Variants in NPHS1 observed in about 807,000 individuals in gnomAD.
NPHS1 encodes NPHS1 adhesion molecule, nephrin, also known as nephrin.
In NPHS1, 107 loss-of-function variants were observed where a neutral mutation model predicts 139.7. The ratio of observed to expected loss-of-function variants is 0.77; its 90% CI spans 0.66 to 0.90. The LOEUF (loss-of-function observed/expected upper bound fraction) is 0.90. NPHS1 is among the 40% of genes least tolerant of loss of function. The pLI is 0.00. For missense variants in NPHS1, 1,580 were observed against 1,654.2 expected (o/e 0.96, Z 0.78); for synonymous variants, 707 against 706.6 (o/e 1.00, Z -0.01).
In NPHS1 at chr19:35,844,375, GCGGACA is replaced by G. The variant is rs779633492; in HGVS notation, c.2009_2014del (p.Val670_Ser671del). On this transcript the variant is annotated inframe_deletion, in exon 15 of 29. Transcript: ENST00000378910. ...GTTGAAGGCCTCGGGGGCGGGGTTA[GCGGACA>G]CGGACACGGGCAGCAACGCCTCGCC... The G allele has an allele frequency of 6.2e-7, 1 of 1,613,360 alleles. No homozygotes were observed. Among genetic ancestry groups the G allele is most frequent in the Non-Finnish European group, 8.5e-7 (1 of 1,179,802 alleles).
Position 35,830,963 on chromosome 19 carries a change from T to G in NPHS1, c.3482-7A>C, listed in dbSNP as rs73928326. 1.9e-6 allele frequency: 3 copies of G among 1,609,922 alleles called. No individual in the cohort carries two copies. The African/African-American group carries it at 4.0e-5, about 22-fold the overall frequency. On this transcript the variant is annotated splice_region_variant and splice_polypyrimidine_tract_variant and intron_variant, in intron 27 of 28. Coordinates refer to ENST00000378910, the MANE Select transcript of NPHS1 (RefSeq NM_004646.4). ...TCATCTTCACCTGTGAAACCTGGAG[T>G]TGGAGTGGAAGGGAGACACGATCAA...
Position 35,825,808 on chromosome 19 carries a change from T to C in NPHS1, c.*706A>G, listed in dbSNP as rs80296922. ...TAGGATGCAACATGGATTCATAAAT[T>C]CCACTTATTATTAGCTATTTCAGAC... On this transcript the variant is annotated 3_prime_UTR_variant, in exon 29 of 29. Coordinates refer to ENST00000378910, the MANE Select transcript of NPHS1 (RefSeq NM_004646.4). Among the ~76,000 whole-genome samples the C allele has an allele frequency of 0.03, 4,636 of 152,270 alleles. 90 individuals carry two copies. Among genetic ancestry groups the C allele is most frequent in the Non-Finnish European group, 0.043 (2,926 of 68,020 alleles).
At chr19:35,834,828 T>C (rs1972933258) in intron 23 of NPHS1, among the ~76,000 whole-genome samples, 1 of 150,120 alleles carries the variant, frequency 6.7e-6, no homozygotes, top group Admixed American at 6.7e-5. Context: ...GAGATAGCAG[T>C]CAGCCGAGAT....
At position 35,850,466 on chromosome 19, in the gene NPHS1, A is replaced by AGAGG. The variant is rs746765352; in HGVS notation, c.527-25_527-22dup. ...TCCACCTTGGGGCAGCAAGAGGGCT[A>AGAGG]GAGGGGTTCCAGGCTCCCCGCAAGA... On this transcript the variant is annotated intron_variant, in intron 4 of 28. Coordinates refer to ENST00000378910, the MANE Select transcript of NPHS1 (RefSeq NM_004646.4). The AGAGG allele has an allele frequency of 3.1e-6, 5 of 1,608,526 alleles. No individual in the cohort carries two copies. In the African/African-American group the frequency reaches 6.7e-5, roughly 22 times the overall value.
At position 35,851,283 on chromosome 19, in the gene NPHS1, T is replaced by C. The variant is rs773155569; in HGVS notation, c.376A>G (p.Arg126Gly). The change falls in exon 3 of 29, where the codon AGA (arginine) becomes GGA (glycine). Residue 126 changes from arginine (R) to glycine (G), a missense_variant. Coordinates refer to ENST00000378910, the MANE Select transcript of NPHS1 (RefSeq NM_004646.4). Reference protein sequence around the residue: ...SEMGPELVSPRVILSILVPPK... With the variant: ...SEMGPELVSPGVILSILVPPK... ...ATACCCAGGATGGAGAGGATCACTCTGGGAGACACGAGCTCGGGCCCCATC... is the reference window on the plus strand; with the variant it reads ...ATACCCAGGATGGAGAGGATCACTCCGGGAGACACGAGCTCGGGCCCCATC... 3.1e-6 allele frequency: 5 copies of C among 1,613,972 alleles called. No individual in the cohort carries two copies. Among genetic ancestry groups the C allele is most frequent in the Non-Finnish European group, 4.2e-6 (5 of 1,179,924 alleles).
intron 22 of NPHS1, 89 bp downstream of exon 22, chr19:35,839,148 A>G: frequency 3.1e-6 from 4 of 1,281,868 alleles, no homozygotes; most frequent in Non-Finnish European, 4.5e-6. Context: ...TCAGTAACTC[A>G]TCATAAAAGG....
At chr19:35,843,617 G>A (rs1973091597) in intron 16 of NPHS1, 24 bp from the exon 17 acceptor site, 2 of 1,613,250 alleles carry the variant, frequency 1.2e-6, no homozygotes, top group Non-Finnish European at 1.7e-6. Context: ...GAGGCTTGGG[G>A]AAGACACTTG....
intron 16 of NPHS1, 37 bp downstream of exon 16, chr19:35,844,066 T>C (rs1007204803): frequency 1.2e-6 from 2 of 1,601,460 alleles, no homozygotes; most frequent in Non-Finnish European, 8.5e-7. Flanking sequence ...GCAAGGTTCC[T>C]TGGGTGGGTG....
At chr19:35,834,077 AT>A (rs5827941) in intron 23 of NPHS1, among the ~76,000 whole-genome samples, 24,940 of 151,762 alleles carry the variant, frequency 0.16, 4,164 homozygotes, top group African/African-American at 0.43. Flanking sequence ...TCTGAAGGGG[AT>A]TTTTTTGCCA....
intron 20 of NPHS1, among the ~76,000 whole-genome samples, chr19:35,839,928 C>T (rs1351601186): frequency 2.7e-5 from 4 of 150,764 alleles, no homozygotes; most frequent in Non-Finnish European, 5.9e-5. Flanking sequence ...GAAAACAAAA[C>T]CAAAAGAAAC....
In NPHS1 at chr19:35,851,499, G is replaced by A; in HGVS notation, c.232C>T (p.Pro78Ser). ...TCCAGGCGGTACCTCGGGAAGCCTGGGATCCTGGGGTCGGGGCCCAGGAGC... is the reference window on the plus strand; with the variant it reads ...TCCAGGCGGTACCTCGGGAAGCCTGAGATCCTGGGGTCGGGGCCCAGGAGC... Reference protein sequence around the residue: ...GLLLGPDPRIPGFPRYRLEGD... With the variant: ...GLLLGPDPRISGFPRYRLEGD... Residue 78 changes from proline to serine, a missense_variant, in exon 2 of 29, where the codon CCA (proline) becomes TCA (serine). Physicochemically the swap from Pro to Ser is moderately conservative, Grantham distance 74. Transcript: ENST00000378910. The A allele has an allele frequency of 6.2e-7, 1 of 1,613,652 alleles. No individual in the cohort carries two copies. Among genetic ancestry groups the A allele is most frequent in the South Asian group, 1.1e-5 (1 of 91,066 alleles).
At chr19:35,836,509 T>C (rs947217983) in intron 22 of NPHS1, among the ~76,000 whole-genome samples, 1 of 152,234 alleles carries the variant, frequency 6.6e-6, no homozygotes, top group East Asian at 1.9e-4. Flanking sequence ...AAAAAAGACT[T>C]TGGGCTCTCG....
At position 35,851,556 on chromosome 19, in the gene NPHS1, C is replaced by T; in HGVS notation, c.175G>A (p.Gly59Ser). The change falls in exon 2 of 29, where the codon GGC becomes AGC. Residue 59 changes from glycine (G) to serine (S), a missense_variant. By Grantham distance (56) the Gly-to-Ser change is moderately conservative. Coordinates refer to ENST00000378910, the MANE Select transcript of NPHS1 (RefSeq NM_004646.4). ...TCTTTGGCCCATTGCACCGCACTGCCAGGGGTGCTGACCCCACAACGCAGC... is the reference window on the plus strand; with the variant it reads ...TCTTTGGCCCATTGCACCGCACTGCTAGGGGTGCTGACCCCACAACGCAGC... Reference protein sequence around the residue: ...VELRCGVSTPGSAVQWAKDGL... With the variant: ...VELRCGVSTPSSAVQWAKDGL... 1 of 1,614,000 alleles carries T rather than the reference C, an allele frequency of 6.2e-7. No individual in the cohort carries two copies. The highest frequency in any genetic ancestry group is 1.7e-4 in the Middle Eastern group (1 of 6,058).
chr19:35,827,246 GCTGGGATTATAAGTCA>G (rs1972811143), intron 28 of NPHS1, among the ~76,000 whole-genome samples: 1 of 151,924 alleles, frequency 6.6e-6, no homozygotes, highest in Non-Finnish European at 1.5e-5. Context: ...CTCCCAAAGT[GCTGGGATTATAAGTCA>G]CTGGGATTAT....
At position 35,841,881 on chromosome 19, in the gene NPHS1, G is replaced by A; in HGVS notation, c.2664-15C>T. On this transcript the variant is annotated splice_polypyrimidine_tract_variant and intron_variant, in intron 19 of 28. Transcript: ENST00000378910. ...GCTCCGTGTACCTAGAGAGAAGGTA[G>A]GGCACCACTCACCCTTCCATTCACC... 2 of 1,599,030 alleles carry A rather than the reference G, an allele frequency of 1.3e-6. No homozygotes were observed. The highest frequency in any genetic ancestry group is 8.5e-7 in the Non-Finnish European group (1 of 1,172,432).
chr19:35,846,380 C>T (rs568600096), intron 11 of NPHS1, among the ~76,000 whole-genome samples, 186 bp from the exon 12 acceptor site: 17 of 152,172 alleles, frequency 1.1e-4, no homozygotes, highest in Non-Finnish European at 1.9e-4. Context: ...TGAGTGACCC[C>T]CTCCCTGGAG....
chr19:35,837,195 C>T (rs1218212945), intron 22 of NPHS1, among the ~76,000 whole-genome samples: 2 of 152,158 alleles, frequency 1.3e-5, no homozygotes, highest in South Asian at 2.1e-4. Context: ...GGACCAGGCT[C>T]TGAAGGATTT....
intron 28 of NPHS1, among the ~76,000 whole-genome samples, chr19:35,827,594 A>G (rs1047402810): frequency 2.0e-5 from 3 of 152,210 alleles, no homozygotes; most frequent in African/African-American, 7.2e-5. Flanking sequence ...CAATGATTTC[A>G]TGTTAGAAAA....
chr19:35,845,767 G>C lies in NPHS1; in HGVS notation c.1659C>G (p.Asn553Lys). 6.2e-7 allele frequency: 1 copy of C among 1,614,078 alleles called. No individual in the cohort carries two copies. The highest frequency in any genetic ancestry group is 8.5e-7 in the Non-Finnish European group (1 of 1,179,934). The change falls in exon 13 of 29, where the codon AAC (asparagine) becomes AAG (lysine). Residue 553 changes from asparagine to lysine, a missense_variant. Coordinates refer to ENST00000378910, the MANE Select transcript of NPHS1 (RefSeq NM_004646.4). The surrounding 1 kb of genome is among the most constrained non-coding windows in gnomAD (Gnocchi z 5.5). The stretch of plus-strand genomic sequence containing the variant: ...CGTCTCCCGGGCGCAGTGCGGATGC[G>C]TTGGCCAGGATCGTCACGTTAGTTG... Reference protein sequence around the residue: ...FPPTNVTILANASALRPGDAL... With the variant: ...FPPTNVTILAKASALRPGDAL...
Sources: allele counts gnomAD v4.1 joint callset (sites outside exome capture counted in the v4.1 genomes callset), GRCh38; gene constraint gnomAD v4.1.1; non-coding constraint Gnocchi (gnomAD v3.1); transcripts MANE v1.5; gene names NCBI Gene and HGNC (gene_info 2026-07-23, HGNC 2026-07-21).